WAPL: variants seen among roughly 807,000 people sequenced by gnomAD.
WAPL encodes wings apart-like protein homolog.
WAPL carries 5 observed loss-of-function variants against 121.0 expected under a neutral mutation model. The observed-to-expected ratio is 0.04, with a 90% confidence interval of 0.02 to 0.09. The LOEUF (loss-of-function observed/expected upper bound fraction) is 0.09, where lower values mean the gene tolerates loss of function less well. WAPL is among the 10% of genes least tolerant of loss of function. The probability of loss-of-function intolerance (pLI) is 1.00; values close to 1 mark genes in which losing one functional copy is unlikely to be tolerated. For synonymous variants in WAPL, 480 were observed against 481.5 expected (o/e 1.00, Z 0.04); for missense variants, 999 against 1,410.8 (o/e 0.71, Z 4.68).
In WAPL at chr10:86,499,838, AGTC is replaced by A; in HGVS notation, c.1402_1404del (p.Asp468del). 1 of 1,613,952 alleles carries A rather than the reference AGTC, an allele frequency of 6.2e-7. No homozygotes were observed. Among genetic ancestry groups the A allele is most frequent in the Non-Finnish European group, 8.5e-7 (1 of 1,179,976 alleles). On this transcript the variant is annotated inframe_deletion, in exon 3 of 19. Coordinates refer to ENST00000298767, the MANE Select transcript of WAPL (RefSeq NM_015045.5). ...TTGCTTGTCTTTCTTTCTACTTGACAGTCATCATCTTCATCATCTTCGCTTTCA... is the reference window on the plus strand; with the variant it reads ...TTGCTTGTCTTTCTTTCTACTTGACAATCATCTTCATCATCTTCGCTTTCA...
At position 86,436,916 on chromosome 10, in the gene WAPL, C is replaced by T. The variant is rs978511157; in HGVS notation, c.*627G>A. The T allele has an allele frequency of 6.6e-6, 1 of 152,476 alleles. No individual in the cohort carries two copies. The highest frequency in any genetic ancestry group is 1.5e-5 in the Non-Finnish European group (1 of 68,014). 9.4% of individuals were successfully genotyped at this position (152,476 alleles called of 1,614,324 possible). On this transcript the variant is annotated 3_prime_UTR_variant, in exon 19 of 19. Coordinates refer to ENST00000298767, the MANE Select transcript of WAPL (RefSeq NM_015045.5). ...AATAGTTCAATAACCCAAACCTAAT[C>T]AAGAATAAAAAAATATACTATTAAT...
intron 2 of WAPL, among the ~76,000 whole-genome samples, chr10:86,503,434 A>T (rs778725070): frequency 2.0e-5 from 3 of 151,596 alleles, no homozygotes; most frequent in Admixed American, 6.6e-5. Context: ...CCTGCCTTTA[A>T]ATATCTGAAT....
intron 17 of WAPL, among the ~76,000 whole-genome samples, chr10:86,440,422 G>A (rs989639627): frequency 2.0e-5 from 3 of 151,466 alleles, no homozygotes; most frequent in Non-Finnish European, 2.9e-5. Flanking sequence ...CGAGTAGCTG[G>A]GACTACAGGT....
At chr10:86,495,558 TA>T (rs1173986384) in intron 4 of WAPL, among the ~76,000 whole-genome samples, 1 of 151,878 alleles carries the variant, frequency 6.6e-6, no homozygotes, top group Non-Finnish European at 1.5e-5. Context: ...CGTAACGACC[TA>T]AAACTATGAA....
chr10:86,468,197 C>T (rs888958737), intron 8 of WAPL, among the ~76,000 whole-genome samples: 2 of 151,434 alleles, frequency 1.3e-5, no homozygotes, highest in East Asian at 3.9e-4. Context: ...TTATGATATA[C>T]CTCATTTTTT....
chr10:86,502,106 GTATT>G (rs1842257615), intron 2 of WAPL, among the ~76,000 whole-genome samples: 1 of 152,226 alleles, frequency 6.6e-6, no homozygotes, highest in African/African-American at 2.4e-5. Context: ...TCATTTACAA[GTATT>G]TAGAAATAAC....
At chr10:86,508,741 C>T (rs1309885278) in intron 2 of WAPL, among the ~76,000 whole-genome samples, 6 of 148,408 alleles carry the variant, frequency 4.0e-5, no homozygotes, top group East Asian at 4.0e-4. Flanking sequence ...TCTCCCCCTC[C>T]ATTAGTATTG....
At chr10:86,508,277 G>A (rs867706255) in intron 2 of WAPL, among the ~76,000 whole-genome samples, 1 of 151,994 alleles carries the variant, frequency 6.6e-6, no homozygotes, top group Non-Finnish European at 1.5e-5. Context: ...TCATTTTATG[G>A]GATAAGGGAA....
intron 2 of WAPL, among the ~76,000 whole-genome samples, chr10:86,501,971 C>T (rs1458561049): frequency 6.6e-6 from 1 of 152,216 alleles, no homozygotes; most frequent in Non-Finnish European, 1.5e-5. Flanking sequence ...CAATCACAGG[C>T]ATGAGCCACC....
At position 86,500,198 on chromosome 10, in the gene WAPL, T is replaced by C; in HGVS notation, c.1045A>G (p.Arg349Gly). 1 of 1,614,206 alleles carries C rather than the reference T, an allele frequency of 6.2e-7. No individual in the cohort carries two copies. The highest frequency in any genetic ancestry group is 8.5e-7 in the Non-Finnish European group (1 of 1,180,024). ...TCTCTAGTCCGTCCAACTGTCCCTCTAAAACTGGTCCCACAACTTACACCC... is the reference window on the plus strand; with the variant it reads ...TCTCTAGTCCGTCCAACTGTCCCTCCAAAACTGGTCCCACAACTTACACCC... ...KGGVSCGTSF[R>G]GTVGRTRDYT... is the part of the protein sequence containing the mutation. Residue 349 changes from arginine (R) to glycine (G), a missense_variant, in exon 3 of 19, where the codon AGA becomes GGA. Arg to Gly is a moderately radical substitution (Grantham distance 125). Around this residue, in one of 7 missense-constraint regions of WAPL, gnomAD observed 531 missense variants for 563.1 expected, o/e 0.94. Transcript: ENST00000298767.
At chr10:86,476,726 GTTA>G (rs987667038) in intron 4 of WAPL, among the ~76,000 whole-genome samples, 22 of 150,286 alleles carry the variant, frequency 1.5e-4, no homozygotes, top group African/African-American at 5.1e-4. Flanking sequence ...AGTATTAAAT[GTTA>G]TTATTAATTG....
intron 17 of WAPL, among the ~76,000 whole-genome samples, chr10:86,441,074 T>C (rs1278463431): frequency 1.3e-5 from 2 of 152,130 alleles, no homozygotes; most frequent in Non-Finnish European, 2.9e-5. Context: ...CTGAAACTAA[T>C]GCCCCCCTCC....
At chr10:86,455,495 G>A (rs1370099007) in intron 12 of WAPL, among the ~76,000 whole-genome samples, 2 of 151,860 alleles carry the variant, frequency 1.3e-5, no homozygotes, top group Non-Finnish European at 2.9e-5. Flanking sequence ...TGCTCGTTAA[G>A]AGTCATCACC....
intron 2 of WAPL, among the ~76,000 whole-genome samples, 191 bp from the exon 3 acceptor site, chr10:86,500,934 C>G (rs1177849852): frequency 2.0e-5 from 3 of 152,176 alleles, no homozygotes; most frequent in Non-Finnish European, 4.4e-5. Context: ...AGCTCTCATG[C>G]CTTCTACTGA....
chr10:86,470,914 G>C, intron 8 of WAPL, 78 bp downstream of exon 8: 1 of 1,140,130 alleles, frequency 8.8e-7, no homozygotes, highest in Admixed American at 2.2e-5. Flanking sequence ...AGAATATTCA[G>C]TGAAGATATT....
chr10:86,501,854 C>A (rs1842253196), intron 2 of WAPL, among the ~76,000 whole-genome samples: 1 of 152,142 alleles, frequency 6.6e-6, no homozygotes, highest in Non-Finnish European at 1.5e-5. Flanking sequence ...ACCACACCTG[C>A]CTAACTCCCC....
intron 4 of WAPL, among the ~76,000 whole-genome samples, chr10:86,486,393 C>T (rs1841931851): frequency 6.6e-6 from 1 of 152,148 alleles, no homozygotes; most frequent in African/African-American, 2.4e-5. Flanking sequence ...CGTATAAACT[C>T]ATTTTATAAA....
In WAPL at chr10:86,472,485, G is replaced by C. The variant is rs533596340; in HGVS notation, c.1893+127C>G. On this transcript the variant is annotated intron_variant, in intron 6 of 18. Coordinates refer to ENST00000298767, the MANE Select transcript of WAPL (RefSeq NM_015045.5). The surrounding 1 kb of genome is among the most constrained non-coding windows in gnomAD (Gnocchi z 4.2). ...TATTTTTAGAACAAGGATGATGGTA[G>C]GACAAAAGAAGTTTGTGGTTCAAAA... 1 of 1,501,426 alleles carries C rather than the reference G, an allele frequency of 6.7e-7. No homozygotes were observed. 93.0% of individuals were successfully genotyped at this position (1,501,426 alleles called of 1,614,324 possible).
chr10:86,455,544 G>A (rs529193580), intron 12 of WAPL, among the ~76,000 whole-genome samples: 1 of 152,014 alleles, frequency 6.6e-6, no homozygotes, highest in East Asian at 1.9e-4. Context: ...CAAACACAAG[G>A]AAGGCCGCAG....
Sources: allele counts gnomAD v4.1 joint callset (sites outside exome capture counted in the v4.1 genomes callset), GRCh38; gene constraint gnomAD v4.1.1; regional missense constraint gnomAD v4.1.1; non-coding constraint Gnocchi (gnomAD v3.1); transcripts MANE v1.5; gene names NCBI Gene and HGNC (gene_info 2026-07-23, HGNC 2026-07-21).